ACVR1: variants seen among roughly 807,000 people sequenced by gnomAD.
The protein encoded by ACVR1 is activin A receptor type 1, also known as activin receptor type-1.
A neutral mutation model predicts 57.1 loss-of-function variants in ACVR1; 38 were observed. The observed-to-expected ratio is 0.67, with a 90% confidence interval of 0.51 to 0.87. The LOEUF is 0.87. Ranked by LOEUF, ACVR1 falls within the 40% of genes least tolerant of loss-of-function variation. ACVR1 has a pLI of 0.00. For synonymous variants in ACVR1, 212 were observed against 228.1 expected (o/e 0.93, Z 0.63); for missense variants, 463 against 638.2 (o/e 0.73, Z 2.96).
intron 9 of ACVR1, among the ~76,000 whole-genome samples, chr2:157,758,742 A>G (rs1400204388): frequency 6.6e-6 from 1 of 151,982 alleles, no homozygotes; most frequent in Non-Finnish European, 1.5e-5. Flanking sequence ...ACAGCTACAG[A>G]CTACACATTA....
intron 1 of ACVR1, among the ~76,000 whole-genome samples, chr2:157,833,210 G>A (rs911403942): frequency 1.3e-5 from 2 of 152,156 alleles, no homozygotes; most frequent in Admixed American, 6.5e-5. Context: ...CCAGAGACCA[G>A]TAAGTTAACA....
At chr2:157,873,492 G>C (rs946387023) in intron 1 of ACVR1, among the ~76,000 whole-genome samples, 2 of 152,204 alleles carry the variant, frequency 1.3e-5, no homozygotes, top group African/African-American at 4.8e-5. Flanking sequence ...AGTTGGGCAT[G>C]AGATCGCTTC....
intron 1 of ACVR1, among the ~76,000 whole-genome samples, chr2:157,822,167 G>T (rs1194756585): frequency 6.6e-6 from 1 of 152,276 alleles, no homozygotes; most frequent in South Asian, 2.1e-4. Flanking sequence ...CCATTAACCA[G>T]AACTACTTCA....
intron 1 of ACVR1, among the ~76,000 whole-genome samples, chr2:157,857,459 C>T (rs1371303402): frequency 6.6e-6 from 1 of 151,778 alleles, no homozygotes; most frequent in Non-Finnish European, 1.5e-5. Context: ...GGAAGAAATA[C>T]TGTACCAGAG....
intron 3 of ACVR1, among the ~76,000 whole-genome samples, chr2:157,796,512 C>G (rs1328422080): frequency 6.6e-6 from 1 of 152,096 alleles, no homozygotes; most frequent in Admixed American, 6.5e-5. Context: ...TGATATCACA[C>G]CATTGCACCC....
chr2:157,834,282 G>A (rs1420373377), intron 1 of ACVR1, among the ~76,000 whole-genome samples: 1 of 151,880 alleles, frequency 6.6e-6, no homozygotes, highest in Admixed American at 6.6e-5. Context: ...TAGCAGAGAC[G>A]GGGTTTCACC....
chr2:157,772,051 T>C (rs947927071), intron 6 of ACVR1, among the ~76,000 whole-genome samples: 3 of 152,230 alleles, frequency 2.0e-5, no homozygotes, highest in African/African-American at 7.2e-5. Flanking sequence ...CAGGGAATTA[T>C]GGATACAAAA....
intron 9 of ACVR1, among the ~76,000 whole-genome samples, chr2:157,760,411 T>C (rs1215159631): frequency 1.3e-5 from 2 of 152,128 alleles, no homozygotes; most frequent in African/African-American, 2.4e-5. Context: ...ATGACTATAG[T>C]TGACAATAAT....
At chr2:157,840,506 T>C (rs1688939998) in intron 1 of ACVR1, among the ~76,000 whole-genome samples, 2 of 152,090 alleles carry the variant, frequency 1.3e-5, no homozygotes, top group South Asian at 4.2e-4. Flanking sequence ...TATACCTTAA[T>C]GTGAGCTAAA....
chr2:157,825,411 G>T (rs1438068430), intron 1 of ACVR1, among the ~76,000 whole-genome samples: 1 of 152,018 alleles, frequency 6.6e-6, no homozygotes, highest in Non-Finnish European at 1.5e-5. Flanking sequence ...CAGGCCAGGG[G>T]TCCCCAACCC....
intron 8 of ACVR1, among the ~76,000 whole-genome samples, chr2:157,762,794 A>AC (rs1161668876): frequency 6.6e-6 from 1 of 152,196 alleles, no homozygotes; most frequent in African/African-American, 2.4e-5. Context: ...TGTTATAAAG[A>AC]CACTCAAGCA....
intron 9 of ACVR1, among the ~76,000 whole-genome samples, chr2:157,759,798 T>C (rs2105250503): frequency 6.6e-6 from 1 of 152,174 alleles, no homozygotes; most frequent in South Asian, 2.1e-4. Flanking sequence ...ACATGCAAAT[T>C]AATTAATGCG....
chr2:157,841,852 T>A (rs183879747), intron 1 of ACVR1, among the ~76,000 whole-genome samples: 6 of 151,688 alleles, frequency 4.0e-5, no homozygotes, highest in African/African-American at 1.2e-4. Flanking sequence ...TGAAACCCCA[T>A]CTGTATGAAA....
chr2:157,781,565 G>A (rs1364335769), intron 3 of ACVR1, among the ~76,000 whole-genome samples: 2 of 152,314 alleles, frequency 1.3e-5, no homozygotes, highest in East Asian at 1.9e-4. Context: ...GAGGGCACAA[G>A]GAGACCAAGA....
At chr2:157,789,921 AACTT>A (rs1477348054) in intron 3 of ACVR1, among the ~76,000 whole-genome samples, 1 of 152,212 alleles carries the variant, frequency 6.6e-6, no homozygotes, top group African/African-American at 2.4e-5. Flanking sequence ...TCAAAGAGAA[AACTT>A]ACTTAGTTTA....
chr2:157,753,756 G>C (rs898804809), intron 9 of ACVR1, among the ~76,000 whole-genome samples: 2 of 152,058 alleles, frequency 1.3e-5, no homozygotes, highest in African/African-American at 4.8e-5. Context: ...TAGAACAAAT[G>C]GACTTAACAG....
chr2:157,844,020 A>C (rs1400531097), intron 1 of ACVR1, among the ~76,000 whole-genome samples: 1 of 152,252 alleles, frequency 6.6e-6, no homozygotes, highest in Admixed American at 6.5e-5. Context: ...AAAACAGCCT[A>C]AGACCCATGC....
intron 2 of ACVR1, among the ~76,000 whole-genome samples, chr2:157,801,850 TCA>T: frequency 1.3e-5 from 2 of 152,332 alleles, no homozygotes; most frequent in South Asian, 4.1e-4. Context: ...ATTTCTTATC[TCA>T]GTCTTATCTG....
chr2:157,748,090 C>T (rs1473408938), intron 9 of ACVR1, among the ~76,000 whole-genome samples: 1 of 152,178 alleles, frequency 6.6e-6, no homozygotes, highest in Non-Finnish European at 1.5e-5. Context: ...ACCAAGCAAG[C>T]CACCATTTGT....
Sources: allele counts gnomAD v4.1 joint callset (sites outside exome capture counted in the v4.1 genomes callset), GRCh38; gene constraint gnomAD v4.1.1; transcripts MANE v1.5; gene names NCBI Gene and HGNC (gene_info 2026-07-23, HGNC 2026-07-21).